Variants in LTBP4 observed in about 807,000 individuals in gnomAD.
LTBP4 encodes latent-transforming growth factor beta-binding protein 4.
LTBP4 carries 93 observed loss-of-function variants against 180.2 expected under a neutral mutation model. The ratio of observed to expected loss-of-function variants is 0.52; its 90% confidence interval spans 0.44 to 0.61. The LOEUF (loss-of-function observed/expected upper bound fraction) is 0.61. Among genes scored for constraint, LTBP4 ranks in the 20% least tolerant of loss-of-function variants. The pLI is 0.00. For synonymous variants in LTBP4, 947 were observed against 934.5 expected (o/e 1.01, Z -0.24); for missense variants, 2,116 against 2,256.5 (o/e 0.94, Z 1.26).
At chr19:40,621,560 C>T (rs8107014) in intron 22 of LTBP4, among the ~76,000 whole-genome samples, 73,214 of 151,780 alleles carry the variant, frequency 0.48, 18,470 homozygotes, top group African/African-American at 0.62. Context: ...GTGATTGAAG[C>T]GGGTGATATG....
chr19:40,622,222 T>C lies in LTBP4; in HGVS notation c.3218-179T>C, dbSNP rs754596929. Among the ~76,000 whole-genome samples the C allele has an allele frequency of 6.6e-6, 1 of 151,546 alleles. No individual in the cohort carries two copies. Among genetic ancestry groups the C allele is most frequent in the Non-Finnish European group, 1.5e-5 (1 of 67,862 alleles). On this transcript the variant is annotated intron_variant, in intron 22 of 29. Transcript: ENST00000396819. The surrounding 1 kb of genome is among the most constrained non-coding windows in gnomAD (Gnocchi z 5.1). Reference sequence around the variant, plus strand: ...CAAGAGATGCAGAAATGACAGGAGGTGACAGTGGGAGAAAGAGAAACAGTG... The same window carrying C: ...CAAGAGATGCAGAAATGACAGGAGGCGACAGTGGGAGAAAGAGAAACAGTG...
Position 40,629,605 on chromosome 19 carries a change from G to A in LTBP4, c.*55G>A. 4.5e-6 allele frequency: 6 copies of A among 1,323,958 alleles called. No individual in the cohort carries two copies. The highest frequency in any genetic ancestry group is 3.1e-5 in the African/African-American group (2 of 63,694). 82.0% of individuals were successfully genotyped at this position (1,323,958 alleles called of 1,614,324 possible). A position where few individuals can be genotyped will look rare whatever the true frequency, so the allele number is the denominator to read the frequency against. On this transcript the variant is annotated 3_prime_UTR_variant, in exon 30 of 30. Coordinates refer to ENST00000396819, the MANE Select transcript of LTBP4 (RefSeq NM_001042545.2). This position sits in a 1 kb window ranked among gnomAD's most constrained non-coding sequence, Gnocchi z 4.5. Reference sequence around the variant, plus strand: ...GCCCGCCACTCGGGGCCCCTGCCGCGCATCCTGCAGCCCGCTTATGCGTAT... The same window carrying A: ...GCCCGCCACTCGGGGCCCCTGCCGCACATCCTGCAGCCCGCTTATGCGTAT...
At chr19:40,626,890 C>G in intron 27 of LTBP4, 85 bp from the exon 28 acceptor site, 1 of 1,438,212 alleles carries the variant, frequency 7.0e-7, no homozygotes, top group Non-Finnish European at 9.1e-7. Flanking sequence ...ATCCAGTCCT[C>G]TGCCTCCTCT....
At chr19:40,626,096 C>T in intron 27 of LTBP4, 87 bp downstream of exon 27, 1 of 1,425,048 alleles carries the variant, frequency 7.0e-7, no homozygotes, top group Non-Finnish European at 9.3e-7. Flanking sequence ...GCAGAACCCC[C>T]AGACTCTATC....
rs773851343 is a variant in LTBP4, at chr19:40,608,266, G to A, written c.1203G>A (p.Ser401=). 181 of 1,613,730 alleles carry A rather than the reference G, an allele frequency of 1.1e-4. No individual in the cohort carries two copies. Among genetic ancestry groups the A allele is most frequent in the Non-Finnish European group, 1.5e-4 (179 of 1,179,874 alleles). Residue 401 remains serine (S), a synonymous_variant, in exon 8 of 30, where the codon TCG becomes TCA. Coordinates refer to ENST00000396819, the MANE Select transcript of LTBP4 (RefSeq NM_001042545.2). ...ICPAGPGYHY[S]ASDLRYNTRP... The stretch of plus-strand genomic sequence containing the variant: ...CGGCTGGTCCTGGTTACCACTACTC[G>A]GCCTCCGACCTCCGCTACAACACCA...
rs755709796 is a variant in LTBP4, at chr19:40,613,593, G to T, written c.2557+64G>T. On this transcript the variant is annotated intron_variant, in intron 17 of 29. Coordinates refer to ENST00000396819, the MANE Select transcript of LTBP4 (RefSeq NM_001042545.2). The surrounding 1 kb of genome is among the most constrained non-coding windows in gnomAD (Gnocchi z 5.0). ...GCTTAGGGCAGGAAAAGGCGGGACG[G>T]GGAGAAGAGGGCGAAAAGGGGAAAA... is the stretch of plus-strand genomic sequence containing the variant. 13 of 1,541,612 alleles carry T rather than the reference G, an allele frequency of 8.4e-6. No homozygotes were observed. Among genetic ancestry groups the T allele is most frequent in the Non-Finnish European group, 1.1e-5 (13 of 1,147,136 alleles).
At chr19:40,614,257 G>A (rs2081530762) in intron 18 of LTBP4, 58 bp from the exon 19 acceptor site, 1 of 1,569,690 alleles carries the variant, frequency 6.4e-7, no homozygotes, top group Non-Finnish European at 8.6e-7. Flanking sequence ...TCCCCTCTTT[G>A]TATCCCCCAT....
At position 40,613,606 on chromosome 19, in the gene LTBP4, G is replaced by A; in HGVS notation, c.2557+77G>A. 6.5e-7 allele frequency: 1 copy of A among 1,536,434 alleles called. No homozygotes were observed. The highest frequency in any genetic ancestry group is 8.7e-7 in the Non-Finnish European group (1 of 1,144,686). ...AAAGGCGGGACGGGGAGAAGAGGGCGAAAAGGGGAAAACGAGTTTTTAGCC... is the reference window on the plus strand; with the variant it reads ...AAAGGCGGGACGGGGAGAAGAGGGCAAAAAGGGGAAAACGAGTTTTTAGCC... On this transcript the variant is annotated intron_variant, in intron 17 of 29. Coordinates refer to ENST00000396819, the MANE Select transcript of LTBP4 (RefSeq NM_001042545.2). This position sits in a 1 kb window ranked among gnomAD's most constrained non-coding sequence, Gnocchi z 5.0.
intron 1 of LTBP4, among the ~76,000 whole-genome samples, chr19:40,602,243 G>A (rs1398557177): frequency 6.6e-6 from 1 of 150,798 alleles, no homozygotes; most frequent in African/African-American, 2.4e-5. Context: ...TCCCACGTGC[G>A]ACAGAAATCC....
Position 40,601,591 on chromosome 19 carries a change from C to T in LTBP4, c.204C>T (p.Ser68=). The change falls in exon 1 of 30, where the codon AGC becomes AGT. Residue 68 remains serine, a synonymous_variant. Transcript: ENST00000396819. ...CCCGCAACGCCACCAGCGTGGACAGCGGCGCTCCCGGCGGGGCGGCCCCGG... is the reference window on the plus strand; with the variant it reads ...CCCGCAACGCCACCAGCGTGGACAGTGGCGCTCCCGGCGGGGCGGCCCCGG... ...CAPRNATSVD[S]GAPGGAAPGG... 1.4e-6 allele frequency: 2 copies of T among 1,416,450 alleles called. No individual in the cohort carries two copies. Among genetic ancestry groups the T allele is most frequent in the Admixed American group, 3.2e-5 (1 of 31,516 alleles). 87.7% of individuals were successfully genotyped at this position (1,416,450 alleles called of 1,614,324 possible).
chr19:40,610,554 G>T lies in LTBP4; in HGVS notation c.1707G>T (p.Val569=). 6.3e-7 allele frequency: 1 copy of T among 1,593,750 alleles called. No individual in the cohort carries two copies. Residue 569 remains valine (V), a synonymous_variant, in exon 12 of 30, where the codon GTG becomes GTT. Coordinates refer to ENST00000396819, the MANE Select transcript of LTBP4 (RefSeq NM_001042545.2). ...CAGATGTGGACGAGTGCCACCGCGT[G>T]CCGCCGCCGTGTGACCTCGGGCGCT... ...ECLDVDECHR[V]PPPCDLGRCE... is the part of the protein sequence containing the mutation.
intron 26 of LTBP4, 31 bp downstream of exon 26, chr19:40,624,113 T>C: frequency 6.7e-7 from 1 of 1,495,872 alleles, no homozygotes; most frequent in Non-Finnish European, 8.9e-7. Context: ...CAGGCCCTCC[T>C]TCCCTTGGCT....
upstream of LTBP4, chr19:40,599,745 T>C: frequency 1.7e-6 from 1 of 601,638 alleles, no homozygotes; most frequent in Non-Finnish European, 2.9e-6. Context: ...TCTTCCCATC[T>C]CTGCATTATT....
chr19:40,624,066 C>G lies in LTBP4; in HGVS notation c.3816C>G (p.Asn1272Lys). Reference protein sequence around the residue: ...LDGSQRRCVSNESQSLDDNLG... With the variant: ...LDGSQRRCVSKESQSLDDNLG... ...GCTCGCAGCGCCGCTGCGTCTCCAACGAGAGCCAGAGCCTCGGTAACCCCG... is the reference window on the plus strand; with the variant it reads ...GCTCGCAGCGCCGCTGCGTCTCCAAGGAGAGCCAGAGCCTCGGTAACCCCG... The change falls in exon 26 of 30, where the codon AAC (asparagine) becomes AAG (lysine). Residue 1272 changes from asparagine (N) to lysine (K), a missense_variant. Physicochemically the swap from Asn to Lys is moderately conservative, Grantham distance 94 (BLOSUM62 0). Around this residue, in one of 5 missense-constraint regions of LTBP4, gnomAD observed 488 missense variants for 458.8 expected, o/e 1.06. Transcript: ENST00000396819. 6.4e-7 allele frequency: 1 copy of G among 1,573,198 alleles called. No homozygotes were observed. The highest frequency in any genetic ancestry group is 8.6e-7 in the Non-Finnish European group (1 of 1,156,102).
Position 40,606,467 on chromosome 19 carries a change from G to A in LTBP4, c.932G>A (p.Gly311Glu), listed in dbSNP as rs776386058. The A allele has an allele frequency of 1.9e-6, 3 of 1,583,166 alleles. No individual in the cohort carries two copies. Among genetic ancestry groups the A allele is most frequent in the South Asian group, 2.3e-5 (2 of 86,552 alleles). Residue 311 changes from glycine to glutamate, a missense_variant, in exon 6 of 30, where the codon GGG (glycine) becomes GAG (glutamate). By Grantham distance (98) the Gly-to-Glu change is moderately conservative. This residue lies in a region of LTBP4 where 469 missense variants were observed against 532.5 expected (regional missense o/e 0.88). Transcript: ENST00000396819. ...GGCGAGTGTGCAAACACGCGCGGCGGGTACACGTGTGTGTGCCCCGACGGC... is the reference window on the plus strand; with the variant it reads ...GGCGAGTGTGCAAACACGCGCGGCGAGTACACGTGTGTGTGCCCCGACGGC... Reference protein sequence around the residue: ...QHGECANTRGGYTCVCPDGFL... With the variant: ...QHGECANTRGEYTCVCPDGFL...
chr19:40,606,561 G>A, intron 6 of LTBP4, 35 bp downstream of exon 6: 3 of 1,471,590 alleles, frequency 2.0e-6, no homozygotes, highest in South Asian at 1.2e-5. Context: ...GCTGGGTCCC[G>A]CCCTCCCTGC....
At position 40,625,893 on chromosome 19, in the gene LTBP4, C is replaced by A; in HGVS notation, c.3869C>A (p.Ala1290Asp). Residue 1290 changes from alanine to aspartate, a missense_variant, in exon 27 of 30, where the codon GCT becomes GAT. Ala to Asp is a moderately radical substitution (Grantham distance 126). Coordinates refer to ENST00000396819, the MANE Select transcript of LTBP4 (RefSeq NM_001042545.2). ...NLGVCWQEVG[A>D]DLVCSHPRLD... Reference sequence around the variant, plus strand: ...GGAGTGTGCTGGCAGGAAGTGGGGGCTGACCTCGTGTGCAGCCACCCTCGG... The same window carrying A: ...GGAGTGTGCTGGCAGGAAGTGGGGGATGACCTCGTGTGCAGCCACCCTCGG... 6.3e-7 allele frequency: 1 copy of A among 1,598,586 alleles called. No individual in the cohort carries two copies.
chr19:40,604,583 C>A (rs1387873564), intron 1 of LTBP4, among the ~76,000 whole-genome samples: 1 of 152,180 alleles, frequency 6.6e-6, no homozygotes, highest in Non-Finnish European at 1.5e-5. Flanking sequence ...TGGGCTCACG[C>A]CTGTAATCCC....
Position 40,622,966 on chromosome 19 carries a change from G to A in LTBP4, c.3501G>A (p.Leu1167=). The A allele has an allele frequency of 6.2e-7, 1 of 1,613,256 alleles. No homozygotes were observed. Among genetic ancestry groups the A allele is most frequent in the Non-Finnish European group, 8.5e-7 (1 of 1,179,656 alleles). The change falls in exon 24 of 30, where the codon TTG becomes TTA. Residue 1167 remains leucine (L), a synonymous_variant. Coordinates refer to ENST00000396819, the MANE Select transcript of LTBP4 (RefSeq NM_001042545.2). This position sits in a 1 kb window ranked among gnomAD's most constrained non-coding sequence, Gnocchi z 5.1. ...PGTETAEYQS[L]CPHGRGYLAP... ...TGTGTGTAGCTGAGTACCAGTCATTGTGCCCTCACGGCCGGGGCTACCTGG... is the reference window on the plus strand; with the variant it reads ...TGTGTGTAGCTGAGTACCAGTCATTATGCCCTCACGGCCGGGGCTACCTGG...
Sources: gnomAD v4.1 joint callset for allele counts (sites outside exome capture counted in the v4.1 genomes callset) on GRCh38, gnomAD v4.1.1 for gene constraint, gnomAD v4.1.1 regional missense constraint, Gnocchi (gnomAD v3.1) non-coding constraint, MANE v1.5 for transcripts, NCBI Gene and HGNC (gene_info 2026-07-23, HGNC 2026-07-21) for gene names.